The following SCAPER variants were observed in gnomAD, a reference collection of about 807,000 sequenced individuals.
The protein encoded by SCAPER is S-phase cyclin A associated protein in the ER, also known as S phase cyclin A-associated protein in the endoplasmic reticulum.
SCAPER carries 98 observed loss-of-function variants against 182.2 expected under a neutral mutation model. That is an observed-to-expected ratio of 0.54 (90% CI 0.46 to 0.64). SCAPER has a LOEUF of 0.64. SCAPER is among the 30% of genes least tolerant of loss of function. The probability of loss-of-function intolerance (pLI) is 0.00; values close to 1 mark genes in which losing one functional copy is unlikely to be tolerated. For missense variants in SCAPER, 1,432 were observed against 1,690.0 expected, an observed-to-expected ratio of 0.85 and a Z score of 2.68; for synonymous variants, 605 against 564.6, an observed-to-expected ratio of 1.07 and a Z score of -1.01.
At chr15:76,630,459 C>T (rs2053003610) in intron 21 of SCAPER, among the ~76,000 whole-genome samples, 1 of 152,114 alleles carries the variant, frequency 6.6e-6, no homozygotes, top group African/African-American at 2.4e-5. Flanking sequence ...TGCCTCTTAA[C>T]ATTGCTTTAG....
At chr15:76,677,986 G>A (rs2057464850) in intron 20 of SCAPER, among the ~76,000 whole-genome samples, 1 of 152,032 alleles carries the variant, frequency 6.6e-6, no homozygotes, top group Non-Finnish European at 1.5e-5. Flanking sequence ...CATTTTTAGA[G>A]TTCTGTCAAG....
At chr15:76,812,488 A>T (rs1165540882) in intron 5 of SCAPER, among the ~76,000 whole-genome samples, 1 of 143,598 alleles carries the variant, frequency 7.0e-6, no homozygotes, top group Admixed American at 7.0e-5. Context: ...ACTCTGAAAA[A>T]AAAAAAAAAA....
At position 76,689,039 on chromosome 15, in the gene SCAPER, A is replaced by G. The variant is rs564582821; in HGVS notation, c.2508+12719T>C. Reference sequence around the variant, plus strand: ...AATTTTTTGTATTTTTAGTAGAGACAGGGTTTCACCATGTTAGCCAGGATG... The same window carrying G: ...AATTTTTTGTATTTTTAGTAGAGACGGGGTTTCACCATGTTAGCCAGGATG... On this transcript the variant is annotated intron_variant, in intron 20 of 31. Coordinates refer to ENST00000563290, the MANE Select transcript of SCAPER (RefSeq NM_020843.4). 4.0e-5 allele frequency among the ~76,000 whole-genome samples: 6 copies of G among 151,762 alleles called. No individual in the cohort carries two copies. In the South Asian group the frequency reaches 1.3e-3, roughly 32 times the overall value.
At position 76,765,017 on chromosome 15, in the gene SCAPER, G is replaced by A; in HGVS notation, c.1669C>T (p.Leu557=). 6.2e-7 allele frequency: 1 copy of A among 1,603,594 alleles called. No individual in the cohort carries two copies. Among genetic ancestry groups the A allele is most frequent in the South Asian group, 1.1e-5 (1 of 89,268 alleles). The change falls in exon 14 of 32, where the codon CTA becomes TTA. Residue 557 remains leucine, a synonymous_variant. Coordinates refer to ENST00000563290, the MANE Select transcript of SCAPER (RefSeq NM_020843.4). ...TTCTCTTCGCGTAACTTTTCCCTTA[G>A]CTGCTGTGCTTTCATTTGTTTTTCT... ...HEEKQMKAQQ[L]REKLREEKTL... is the part of the protein sequence containing the mutation.
intron 18 of SCAPER, among the ~76,000 whole-genome samples, 190 bp downstream of exon 18, chr15:76,705,713 T>C (rs2059228847): frequency 6.6e-6 from 1 of 152,052 alleles, no homozygotes; most frequent in Admixed American, 6.6e-5. Context: ...TTTTCCTCAA[T>C]GGCCCTACCA....
intron 29 of SCAPER, among the ~76,000 whole-genome samples, chr15:76,375,083 T>TGGTACCCGCC (rs1260607800): frequency 6.6e-6 from 1 of 150,982 alleles, no homozygotes; most frequent in African/African-American, 2.4e-5. Flanking sequence ...CTGGGTGTGA[T>TGGTACCCGCC]GGTACCCGCC....
intron 5 of SCAPER, among the ~76,000 whole-genome samples, chr15:76,808,323 G>A (rs985167683): frequency 6.6e-5 from 10 of 152,122 alleles, no homozygotes; most frequent in African/African-American, 2.4e-4. Flanking sequence ...TTTTCCCCTT[G>A]CCTTGCTCCA....
intron 5 of SCAPER, among the ~76,000 whole-genome samples, chr15:76,811,874 C>T (rs1384996938): frequency 6.6e-6 from 1 of 151,576 alleles, no homozygotes; most frequent in Non-Finnish European, 1.5e-5. Flanking sequence ...AGGCTTGTAG[C>T]TATAAATACC....
chr15:76,541,872 A>G (rs1025599354), intron 23 of SCAPER, among the ~76,000 whole-genome samples: 2 of 152,242 alleles, frequency 1.3e-5, no homozygotes, highest in African/African-American at 4.8e-5. Context: ...TCATGTGCTT[A>G]TAAAAAATAC....
At chr15:76,570,157 T>C (rs1314722363) in intron 23 of SCAPER, among the ~76,000 whole-genome samples, 1 of 152,170 alleles carries the variant, frequency 6.6e-6, no homozygotes, top group Non-Finnish European at 1.5e-5. Context: ...TTCAGTGATT[T>C]GGATTTTCCC....
chr15:76,433,602 C>T (rs1404266748), intron 26 of SCAPER, among the ~76,000 whole-genome samples: 2 of 152,192 alleles, frequency 1.3e-5, no homozygotes, highest in Non-Finnish European at 2.9e-5. Flanking sequence ...TTTGGTTTCA[C>T]TGAGATAATC....
intron 23 of SCAPER, among the ~76,000 whole-genome samples, chr15:76,566,228 C>T (rs774232809): frequency 1.8e-4 from 28 of 152,072 alleles, no homozygotes; most frequent in Admixed American, 3.3e-4. Context: ...CTACCTTATA[C>T]AGGTATCGGT....
chr15:76,889,834 A>G (rs2074067202), intron 1 of SCAPER, among the ~76,000 whole-genome samples: 1 of 152,204 alleles, frequency 6.6e-6, no homozygotes, highest in African/African-American at 2.4e-5. Context: ...ATAGACATCT[A>G]CAGAACTCTC....
chr15:76,358,626 C>T (rs2041175303), intron 29 of SCAPER, among the ~76,000 whole-genome samples: 2 of 152,204 alleles, frequency 1.3e-5, no homozygotes, highest in Admixed American at 6.5e-5. Context: ...ATAAGGCCAT[C>T]AGTCCTACTG....
chr15:76,848,633 C>A lies in SCAPER; in HGVS notation c.196-6702G>T, dbSNP rs141452659. Among the ~76,000 whole-genome samples, 89 of 152,230 alleles carry A rather than the reference C, an allele frequency of 5.8e-4. 1 individual carries two copies. In the East Asian group the frequency reaches 0.014, roughly 23 times the overall value. On this transcript the variant is annotated intron_variant, in intron 4 of 31. Transcript: ENST00000563290. ...ATAGGCGTGAGCCACCATGCCCGGG[C>A]AAAGATTTATGTCTACCCCTTCTGA... is the stretch of plus-strand genomic sequence containing the variant.
At position 76,490,970 on chromosome 15, in the gene SCAPER, T is replaced by C. The variant is rs76163866; in HGVS notation, c.2954+13889A>G. Among the ~76,000 whole-genome samples the C allele has an allele frequency of 5.3e-3, 809 of 152,314 alleles. 7 individuals are homozygous for C. Among genetic ancestry groups the C allele is most frequent in the African/African-American group, 0.019 (782 of 41,582 alleles). On this transcript the variant is annotated intron_variant, in intron 24 of 31. Coordinates refer to ENST00000563290, the MANE Select transcript of SCAPER (RefSeq NM_020843.4). ...CATCTGACTTGGTCTCTGTTAATGA[T>C]GTTTCTCCCTTTAAACCCAATTAAG...
In SCAPER at chr15:76,703,002, G is replaced by A. The variant is rs774695335; in HGVS notation, c.2248C>T (p.His750Tyr). 6.5e-7 allele frequency: 1 copy of A among 1,542,274 alleles called. No homozygotes were observed. The highest frequency in any genetic ancestry group is 8.7e-7 in the Non-Finnish European group (1 of 1,151,004). Residue 750 changes from histidine to tyrosine, a missense_variant and splice_region_variant, in exon 19 of 32, where the codon CAT becomes TAT. Physicochemically the swap from His to Tyr is moderately conservative, Grantham distance 83. Around this residue, in one of 5 missense-constraint regions of SCAPER, gnomAD observed 718 missense variants for 799.7 expected, o/e 0.90. Transcript: ENST00000563290. ...EELQKKIQLK[H>Y]DESIRRHMEQ... ...ATGTGCCTTCGAATACTTTCATCAT[G>A]CTGTAGATGAAGTCAAAGTGCAAGA...
rs534116994 is a variant in SCAPER, at chr15:76,674,393, T to G, written c.2509-8604A>C. On this transcript the variant is annotated intron_variant, in intron 20 of 31. Coordinates refer to ENST00000563290, the MANE Select transcript of SCAPER (RefSeq NM_020843.4). ...GGAAATAAAGAGGACAAAGAAATAT[T>G]GCACTGCACCAGACTCCATAGTAAT... Among the ~76,000 whole-genome samples the G allele has an allele frequency of 7.2e-5, 11 of 152,294 alleles. No individual in the cohort carries two copies. The East Asian group carries it at 1.9e-3, about 27-fold the overall frequency.
chr15:76,850,849 G>A, intron 4 of SCAPER, among the ~76,000 whole-genome samples: 1 of 122,232 alleles, frequency 8.2e-6, no homozygotes, highest in Non-Finnish European at 1.6e-5. Context: ...GAAAGAGCAA[G>A]ACTCTGTCTC....
Sources: allele counts gnomAD v4.1 joint callset (sites outside exome capture counted in the v4.1 genomes callset), GRCh38; gene constraint gnomAD v4.1.1; regional missense constraint gnomAD v4.1.1; transcripts MANE v1.5; gene names NCBI Gene and HGNC (gene_info 2026-07-23, HGNC 2026-07-21).